JADE3: variants seen among roughly 807,000 people sequenced by gnomAD.
JADE3 encodes protein Jade-3.
A neutral mutation model predicts 50.1 loss-of-function variants in JADE3; 2 were observed. That is an observed-to-expected ratio of 0.04 (90% CI 0.02 to 0.13). JADE3 has a LOEUF of 0.13. Among genes scored for constraint, JADE3 ranks in the 10% least tolerant of loss-of-function variants. JADE3 has a pLI of 1.00. For missense variants in JADE3, 475 were observed against 634.4 expected (o/e 0.75, Z 2.70); for synonymous variants, 218 against 232.9 (o/e 0.94, Z 0.58).
intron 4 of JADE3, among the ~76,000 whole-genome samples, chrX:47,022,463 A>T (rs1411243713): frequency 8.9e-6 from 1 of 111,984 alleles, no homozygotes; most frequent in Admixed American, 9.5e-5. Flanking sequence ...CATTATTTGG[A>T]ATCAGGCTTT....
chrX:46,994,696 A>G, intron 3 of JADE3, among the ~76,000 whole-genome samples: 1 of 112,038 alleles, frequency 8.9e-6, no homozygotes, highest in Non-Finnish European at 1.9e-5. Context: ...GTGAACTCAT[A>G]TCTCTCTTAC....
intron 8 of JADE3, 47 bp from the exon 9 acceptor site, chrX:47,054,111 C>T: frequency 1.1e-6 from 1 of 910,243 alleles, no homozygotes; most frequent in South Asian, 2.3e-5. Context: ...TAGGTCTCTC[C>T]CTTTTCCTCC....
intron 7 of JADE3, among the ~76,000 whole-genome samples, chrX:47,037,089 C>T (rs1313725627): frequency 1.0e-5 from 1 of 95,975 alleles, no homozygotes; most frequent in Non-Finnish European, 2.0e-5. Flanking sequence ...TGCACATGTA[C>T]CCTAAAACTT....
intron 1 of JADE3, among the ~76,000 whole-genome samples, chrX:46,940,239 T>A (rs1926725517): frequency 8.9e-6 from 1 of 112,454 alleles, no homozygotes; most frequent in Admixed American, 9.5e-5. Flanking sequence ...GTTAACTGAT[T>A]ATAATCCTAG....
intron 8 of JADE3, among the ~76,000 whole-genome samples, chrX:47,052,818 G>A (rs1282463531): frequency 5.5e-5 from 6 of 109,931 alleles, no homozygotes; most frequent in Non-Finnish European, 1.1e-4. Flanking sequence ...CACTTTGGGA[G>A]GCTAAGGCAG....
intron 6 of JADE3, among the ~76,000 whole-genome samples, chrX:47,030,084 T>TAC (rs1723945923): frequency 9.0e-6 from 1 of 110,791 alleles, no homozygotes; most frequent in African/African-American, 3.3e-5. Flanking sequence ...TATATATATA[T>TAC]ACTTTCCTAA....
At chrX:46,972,663 G>A (rs1003265777) in intron 1 of JADE3, among the ~76,000 whole-genome samples, 1 of 111,603 alleles carries the variant, frequency 9.0e-6, no homozygotes, top group Non-Finnish European at 1.9e-5. Flanking sequence ...GCAGTGGCAC[G>A]ATCTCGGCTC....
At chrX:47,037,228 G>T (rs1433765108) in intron 7 of JADE3, among the ~76,000 whole-genome samples, 1 of 111,226 alleles carries the variant, frequency 9.0e-6, no homozygotes, top group Non-Finnish European at 1.9e-5. Flanking sequence ...TAGTTATGTG[G>T]TTTTAAAGAC....
In JADE3 at chrX:47,047,138, C is replaced by T. The variant is rs139730205; in HGVS notation, c.973-7020C>T. ...TTTAAAGCCAGAAGTTCAAGATAAGCCTGGGCACGGAAACTCTTCTTATAA... is the reference window on the plus strand; with the variant it reads ...TTTAAAGCCAGAAGTTCAAGATAAGTCTGGGCACGGAAACTCTTCTTATAA... On this transcript the variant is annotated intron_variant, in intron 8 of 10. Transcript: ENST00000614628. Among the ~76,000 whole-genome samples the T allele has an allele frequency of 2.9e-4, 32 of 112,008 alleles. No homozygotes were observed. In the East Asian group the frequency reaches 9.0e-3, roughly 31 times the overall value.
At chrX:46,917,834 C>CTCTCTCTCTCTCT in intron 1 of JADE3, among the ~76,000 whole-genome samples, 1 of 42,545 alleles carries the variant, frequency 2.4e-5, no homozygotes, top group Non-Finnish European at 4.2e-5. Context: ...TCTCTCTCAT[C>CTCTCTCTCTCTCT]CTCTCTCTCT....
chrX:46,952,151 T>C (rs1313244070), intron 1 of JADE3, among the ~76,000 whole-genome samples: 3 of 112,614 alleles, frequency 2.7e-5, no homozygotes, highest in Non-Finnish European at 5.6e-5. Flanking sequence ...TCTGTTGTCT[T>C]TTCTCATGTG....
intron 1 of JADE3, among the ~76,000 whole-genome samples, chrX:46,923,393 C>CTCTCTTGTTTTTTTT (rs1556338199): frequency 8.7e-5 from 1 of 11,525 alleles, no homozygotes; most frequent in Non-Finnish European, 2.0e-4. Context: ...CTCTCTCTCT[C>CTCTCTTGTTTTTTTT]TTTTTTTTTT....
intron 1 of JADE3, among the ~76,000 whole-genome samples, chrX:46,931,340 G>A (rs1046473802): frequency 9.0e-6 from 1 of 111,722 alleles, no homozygotes; most frequent in Non-Finnish European, 1.9e-5. Flanking sequence ...TTAATATATT[G>A]TTTGTGGTAG....
At chrX:46,987,505 T>A (rs1927888406) in intron 3 of JADE3, among the ~76,000 whole-genome samples, 1 of 112,453 alleles carries the variant, frequency 8.9e-6, no homozygotes, top group Admixed American at 9.4e-5. Context: ...TTTGGGTGTG[T>A]CCACCAGAGA....
At chrX:47,010,754 C>T (rs1439007712) in intron 4 of JADE3, among the ~76,000 whole-genome samples, 2 of 111,166 alleles carry the variant, frequency 1.8e-5, no homozygotes, top group African/African-American at 6.5e-5. Flanking sequence ...AACAAAATAC[C>T]ACAGACTGGG....
At chrX:46,915,564 G>T (rs1204974978) in intron 1 of JADE3, among the ~76,000 whole-genome samples, 1 of 111,183 alleles carries the variant, frequency 9.0e-6, no homozygotes, top group Non-Finnish European at 1.9e-5. Context: ...TAAAAGTGAT[G>T]AACAAATAAA....
chrX:47,057,828 C>T (rs1182526830), intron 10 of JADE3, among the ~76,000 whole-genome samples: 1 of 111,726 alleles, frequency 9.0e-6, no homozygotes, highest in Admixed American at 9.6e-5. Context: ...AATAGGAAGA[C>T]CCTATTCTAA....
intron 8 of JADE3, among the ~76,000 whole-genome samples, chrX:47,046,909 G>C (rs1399712345): frequency 4.5e-5 from 5 of 112,302 alleles, no homozygotes; most frequent in African/African-American, 1.6e-4. Flanking sequence ...TAATTGGATT[G>C]TTTGTAACAT....
chrX:47,031,238 ACT>A (rs1371921095), intron 6 of JADE3, among the ~76,000 whole-genome samples: 1 of 110,735 alleles, frequency 9.0e-6, no homozygotes, highest in Non-Finnish European at 1.9e-5. Flanking sequence ...TCTGAAAGAG[ACT>A]CTATTTTAGG....
Sources: allele counts gnomAD v4.1 joint callset (sites outside exome capture counted in the v4.1 genomes callset), GRCh38; gene constraint gnomAD v4.1.1; transcripts MANE v1.5; gene names NCBI Gene and HGNC (gene_info 2026-07-23, HGNC 2026-07-21).